The following RGPD1 variants were observed in gnomAD, a reference collection of about 807,000 sequenced individuals.
The protein encoded by RGPD1 is RANBP2-like and GRIP domain-containing protein 1.
Under a neutral mutation model 40.6 loss-of-function variants are expected in RGPD1, and 7 were observed. The observed-to-expected ratio is 0.17, with a 90% confidence interval of 0.10 to 0.32. The LOEUF (loss-of-function observed/expected upper bound fraction) is 0.32. RGPD1 is among the 10% of genes least tolerant of loss of function. The probability of loss-of-function intolerance (pLI) is 1.00; values close to 1 mark genes in which losing one functional copy is unlikely to be tolerated. For synonymous variants in RGPD1, 24 were observed against 167.0 expected (o/e 0.14, Z 6.60); for missense variants, 50 against 472.5 (o/e 0.11, Z 8.29).
upstream of RGPD1, among the ~76,000 whole-genome samples, chr2:86,941,820 C>A (rs552235419): frequency 0.12 from 17,275 of 150,144 alleles, 2,464 homozygotes; most frequent in African/African-American, 0.34. Context: ...AAGCGATTCT[C>A]GTGCCTCAGC....
chr2:86,924,512 C>T (rs1471805880), intron 1 of RGPD1, among the ~76,000 whole-genome samples: 1 of 150,582 alleles, frequency 6.6e-6, no homozygotes, highest in African/African-American at 2.4e-5. Context: ...TTTGCCTACG[C>T]CGGACTGCAG....
chr2:86,928,498 A>G (rs1678668940), intron 1 of RGPD1, among the ~76,000 whole-genome samples: 3 of 152,076 alleles, frequency 2.0e-5, no homozygotes, highest in Admixed American at 2.0e-4. Context: ...AATGAGTAGT[A>G]TGGTAAATGA....
chr2:86,935,998 G>A (rs1210947515), intron 1 of RGPD1, among the ~76,000 whole-genome samples: 1 of 131,418 alleles, frequency 7.6e-6, no homozygotes, highest in African/African-American at 2.6e-5. Context: ...AAACAAATTT[G>A]TTGGAAAAAA....
intron 1 of RGPD1, among the ~76,000 whole-genome samples, chr2:86,924,596 C>G (rs1678324795): frequency 6.6e-6 from 1 of 150,458 alleles, no homozygotes; most frequent in African/African-American, 2.4e-5. Context: ...CTCCAAGTGG[C>G]TAGGACTACC....
intron 1 of RGPD1, among the ~76,000 whole-genome samples, chr2:86,923,188 G>A (rs1399751558): frequency 4.3e-4 from 64 of 149,436 alleles, no homozygotes; most frequent in African/African-American, 1.4e-3. Context: ...ACAGGCGCCC[G>A]CCACCATGCC....
intron 22 of RGPD1, among the ~76,000 whole-genome samples, chr2:87,009,286 C>A (rs1573657220): frequency 5.4e-4 from 4 of 7,384 alleles, no homozygotes; most frequent in South Asian, 4.4e-3. Flanking sequence ...GCCTGGGCAA[C>A]AGAGCAAGAC....
At chr2:86,942,884 C>T (rs1003616180) in intron 1 of RGPD1, among the ~76,000 whole-genome samples, 2 of 151,958 alleles carry the variant, frequency 1.3e-5, no homozygotes, top group African/African-American at 4.8e-5. Flanking sequence ...GCCGGATCTT[C>T]CTCTTTCTCC....
In RGPD1 at chr2:86,930,702, C is replaced by T. The variant is rs1277217022; in HGVS notation, c.72+16781C>T. On this transcript the variant is annotated intron_variant, in intron 1 of 22. Transcript: ENST00000398193. ...CTCTCGAAGCTGCTGTTGCGGCGCC[C>T]GAAGTGCCCCCCAGGCCTCCTCGCT... 4.8e-5 allele frequency: 76 copies of T among 1,586,092 alleles called. No individual in the cohort carries two copies. The African/African-American group carries it at 6.6e-4, about 14-fold the overall frequency.
At position 86,931,993 on chromosome 2, in the gene RGPD1, A is replaced by G. The variant is rs186776171; in HGVS notation, c.72+18072A>G. Among the ~76,000 whole-genome samples the G allele has an allele frequency of 3.2e-3, 481 of 148,562 alleles. 1 individual carries two copies. The highest frequency in any genetic ancestry group is 0.011 in the African/African-American group (445 of 40,958). On this transcript the variant is annotated intron_variant, in intron 1 of 22. Transcript: ENST00000398193. ...TTTATATATAATATTCATATTATAT[A>G]TATATGTCTATAACATATAGACAGA...
intron 4 of RGPD1, among the ~76,000 whole-genome samples, chr2:86,954,550 T>C (rs1680619416): frequency 3.8e-5 from 1 of 26,560 alleles, no homozygotes; most frequent in East Asian, 1.5e-3. Flanking sequence ...GACATGATGC[T>C]CAAAGAAATG....
At chr2:86,945,482 A>G (rs1470908863) in intron 1 of RGPD1, among the ~76,000 whole-genome samples, 1 of 152,198 alleles carries the variant, frequency 6.6e-6, no homozygotes, top group Non-Finnish European at 1.5e-5. Context: ...GCCATCTGTG[A>G]ACTGCCCATG....
chr2:86,939,598 G>A (rs1187103418), upstream of RGPD1, among the ~76,000 whole-genome samples: 5 of 136,166 alleles, frequency 3.7e-5, no homozygotes, highest in African/African-American at 1.5e-4. Flanking sequence ...AAAAAAGAAA[G>A]AAAGAAAGAA....
rs1240035878 is a variant in RGPD1 at position 86,949,763 on chromosome 2, C to CT, written c.73-1505dup. 1.8e-3 allele frequency among the ~76,000 whole-genome samples: 33 copies of CT among 18,200 alleles called. 2 individuals carry two copies. The highest frequency in any genetic ancestry group is 2.9e-3 in the African/African-American group (13 of 4,466). 11.9% of individuals were successfully genotyped at this position (18,200 alleles called of 152,430 possible). On this transcript the variant is annotated intron_variant, in intron 1 of 22. Transcript: ENST00000641458. ...ATGGAACATACTCTGGTTGTATCAG[C>CT]TTTTTTTTTTTTTTTTTTTTTTTTT...
intron 1 of RGPD1, among the ~76,000 whole-genome samples, chr2:86,931,941 T>A (rs1281918584): frequency 1.3e-5 from 2 of 148,386 alleles, no homozygotes; most frequent in African/African-American, 2.4e-5. Flanking sequence ...ATATATATAT[T>A]TATGTATTAT....
chr2:86,957,305 CAG>C (rs1352700880), intron 4 of RGPD1, among the ~76,000 whole-genome samples: 2 of 149,150 alleles, frequency 1.3e-5, no homozygotes, highest in African/African-American at 2.5e-5. Flanking sequence ...ATGAAGGTAA[CAG>C]AACAGTGGGA....
At position 86,986,105 on chromosome 2, in the gene RGPD1, GGAAA is replaced by G. The variant is rs1279553774; in HGVS notation, c.3212_3215del (p.Glu1071GlyfsTer6). Reference sequence around the variant, plus strand: ...AGATTTGATGCTGAGATAAGTCAGTGGAAAGAAAGGGGCTTGGGGAACTTAAAAA... The same window carrying G: ...AGATTTGATGCTGAGATAAGTCAGTGGAAAGGGGCTTGGGGAACTTAAAAA... On this transcript the variant is annotated frameshift_variant, in exon 20 of 23. Transcript: ENST00000641458. LOFTEE classifies it high-confidence loss of function. 7.9e-5 allele frequency: 1 copy of G among 12,668 alleles called. No homozygotes were observed. The highest frequency in any genetic ancestry group is 6.1e-4 in the South Asian group (1 of 1,630). 0.8% of individuals were successfully genotyped at this position (12,668 alleles called of 1,614,324 possible).
chr2:86,919,968 A>G (rs1433577964), intron 1 of RGPD1, among the ~76,000 whole-genome samples: 23 of 151,220 alleles, frequency 1.5e-4, no homozygotes, highest in Non-Finnish European at 2.4e-4. Flanking sequence ...TCTGAGTGAG[A>G]TACTGTTTTT....
At chr2:86,932,127 AT>A (rs1343745808) in intron 1 of RGPD1, among the ~76,000 whole-genome samples, 505 of 136,066 alleles carry the variant, frequency 3.7e-3, no homozygotes, top group African/African-American at 0.012. Context: ...TATCTGTGGC[AT>A]TCAGTTTCAG....
chr2:86,913,984 G>GGGCGGCGGC (rs1159039779), intron 1 of RGPD1: 2 of 990,430 alleles, frequency 2.0e-6, no homozygotes, highest in African/African-American at 2.7e-5. Flanking sequence ...CGACCTGGCC[G>GGGCGGCGGC]GGCGGCGGCG....
Sources: allele counts gnomAD v4.1 joint callset (sites outside exome capture counted in the v4.1 genomes callset), GRCh38; gene constraint gnomAD v4.1.1; transcripts MANE v1.5; gene names NCBI Gene and HGNC (gene_info 2026-07-23, HGNC 2026-07-21).